PRF1: variants seen among roughly 807,000 people sequenced by gnomAD.
PRF1 encodes the protein perforin 1, also known as perforin-1.
PRF1 carries 11 observed loss-of-function variants against 11.7 expected under a neutral mutation model. The ratio of observed to expected loss-of-function variants is 0.94; its 90% CI spans 0.59 to 1.56. The LOEUF is 1.56. PRF1 is among the 40% of genes most tolerant of loss of function. The probability of loss-of-function intolerance (pLI) is 0.00; values close to 1 mark genes in which losing one functional copy is unlikely to be tolerated. For synonymous variants in PRF1, 314 were observed against 327.8 expected (o/e 0.96, Z 0.45); for missense variants, 729 against 751.0 (o/e 0.97, Z 0.34).
In PRF1 at chr10:70,598,226, G is replaced by C; in HGVS notation, c.1495C>G (p.Gln499Glu). 1.2e-6 allele frequency: 2 copies of C among 1,614,198 alleles called. No homozygotes were observed. Among genetic ancestry groups the C allele is most frequent in the Non-Finnish European group, 1.7e-6 (2 of 1,180,028 alleles). Reference sequence around the variant, plus strand: ...TCATGGGAACCAGACTTGGGAGCCTGATCACAGGTGCCAAGGAGGTCATCG... The same window carrying C: ...TCATGGGAACCAGACTTGGGAGCCTCATCACAGGTGCCAAGGAGGTCATCG... ...RDDDLLGTCDQAPKSGSHEVR... is the reference protein window; with the variant it reads ...RDDDLLGTCDEAPKSGSHEVR... Residue 499 changes from glutamine (Q) to glutamate (E), a missense_variant, in exon 3 of 3, where the codon CAG becomes GAG. Gln to Glu is a conservative substitution (Grantham distance 29, BLOSUM62 2). Transcript: ENST00000441259.
rs1848200799 is a variant in PRF1 at position 70,600,289 on chromosome 10, C to T, written c.539+75G>A. The T allele has an allele frequency of 1.3e-6, 2 of 1,586,912 alleles. No individual in the cohort carries two copies. Among genetic ancestry groups the T allele is most frequent in the East Asian group, 4.6e-5 (2 of 43,500 alleles). On this transcript the variant is annotated intron_variant, in intron 2 of 2. Coordinates refer to ENST00000441259, the MANE Select transcript of PRF1 (RefSeq NM_001083116.3). This position sits in a 1 kb window ranked among gnomAD's most constrained non-coding sequence, Gnocchi z 4.9. ...CTCCAAGTTTGATTGGAGGACTCTG[C>T]CTTTCCAGGGCTCCTAGACCACCCA...
intron 1 of PRF1, among the ~76,000 whole-genome samples, chr10:70,601,543 AC>A (rs1300659062): frequency 6.6e-6 from 1 of 151,896 alleles, no homozygotes; most frequent in Non-Finnish European, 1.5e-5. Flanking sequence ...AAATCTGCCG[AC>A]CTGGCCAGGT....
Position 70,599,197 on chromosome 10 carries a change from G to C in PRF1, c.540-16C>G. ...CACATGGAAACTGCGAGAAGAGAGA[G>C]ACCTCAGCTGGGCCCAGGGGAGTAT... On this transcript the variant is annotated splice_polypyrimidine_tract_variant and intron_variant, in intron 2 of 2. Coordinates refer to ENST00000441259, the MANE Select transcript of PRF1 (RefSeq NM_001083116.3). The C allele has an allele frequency of 6.2e-7, 1 of 1,614,044 alleles. No homozygotes were observed. The highest frequency in any genetic ancestry group is 8.5e-7 in the Non-Finnish European group (1 of 1,179,992).
At position 70,599,069 on chromosome 10, in the gene PRF1, T is replaced by A; in HGVS notation, c.652A>T (p.Asn218Tyr). 1.2e-6 allele frequency: 2 copies of A among 1,613,492 alleles called. No individual in the cohort carries two copies. Among genetic ancestry groups the A allele is most frequent in the Non-Finnish European group, 1.7e-6 (2 of 1,179,538 alleles). Residue 218 changes from asparagine (N) to tyrosine (Y), a missense_variant, in exon 3 of 3, where the codon AAC (asparagine) becomes TAC (tyrosine). Physicochemically the swap from Asn to Tyr is moderately radical, Grantham distance 143 (BLOSUM62 -2). Coordinates refer to ENST00000441259, the MANE Select transcript of PRF1 (RefSeq NM_001083116.3). Reference sequence around the variant, plus strand: ...GCCCGGATGAAGTGGGTGCCGTAGTTGGAGATAAGCCTGAGGTAGGCGGGC... The same window carrying A: ...GCCCGGATGAAGTGGGTGCCGTAGTAGGAGATAAGCCTGAGGTAGGCGGGC... Reference protein sequence around the residue: ...TQPAYLRLISNYGTHFIRAVE... With the variant: ...TQPAYLRLISYYGTHFIRAVE...
Position 70,597,923 on chromosome 10 carries a change from G to T in PRF1, c.*130C>A. On this transcript the variant is annotated 3_prime_UTR_variant, in exon 3 of 3. Transcript: ENST00000441259. The stretch of plus-strand genomic sequence containing the variant: ...GAATTTGCGTTGGGCCGCATTCAAA[G>T]CCATCCTGGGCCGCATGCGGGCCTC... 8.3e-7 allele frequency: 1 copy of T among 1,198,688 alleles called. No homozygotes were observed. The highest frequency in any genetic ancestry group is 1.2e-6 in the Non-Finnish European group (1 of 839,088). 74.3% of individuals were successfully genotyped at this position (1,198,688 alleles called of 1,614,324 possible).
rs1040849786 is a variant in PRF1 at position 70,600,002 on chromosome 10, G to A, written c.539+362C>T. 6.6e-6 allele frequency among the ~76,000 whole-genome samples: 1 copy of A among 152,170 alleles called. No individual in the cohort carries two copies. Among genetic ancestry groups the A allele is most frequent in the Non-Finnish European group, 1.5e-5 (1 of 68,024 alleles). Reference sequence around the variant, plus strand: ...ACACAGCGATGAGGAAGGATGACCCGGCCAGGTCTCCTGCCTCTGTCCCTA... The same window carrying A: ...ACACAGCGATGAGGAAGGATGACCCAGCCAGGTCTCCTGCCTCTGTCCCTA... On this transcript the variant is annotated intron_variant, in intron 2 of 2. Transcript: ENST00000441259. This position sits in a 1 kb window ranked among gnomAD's most constrained non-coding sequence, Gnocchi z 4.9.
rs1202935059 is a variant in PRF1 at position 70,598,179 on chromosome 10, A to G, written c.1542T>C (p.His514=). 1 of 1,614,070 alleles carries G rather than the reference A, an allele frequency of 6.2e-7. No individual in the cohort carries two copies. The highest frequency in any genetic ancestry group is 2.2e-5 in the East Asian group (1 of 44,874). The change falls in exon 3 of 3, where the codon CAT becomes CAC. Residue 514 remains histidine (H), a synonymous_variant. Transcript: ENST00000441259. ...CATGATAGCGGAATTTTAGGTGGCC[A>G]TGATTCAGGTTGCATCTCACCTCAT... ...GSHEVRCNLN[H]GHLKFRYHAR...
Position 70,598,077 on chromosome 10 carries a change from T to C in PRF1, c.1644A>G (p.Gly548=). ...CTCACCACACGGCCCCACTCCGGTT[T>C]CCTGGAGGCTCCCCCAGAAGCATTT... The part of the protein sequence containing the change: ...VPQMLLGEPP[G]NRSGAVW Residue 548 remains glycine, a synonymous_variant, in exon 3 of 3, where the codon GGA becomes GGG. Coordinates refer to ENST00000441259, the MANE Select transcript of PRF1 (RefSeq NM_001083116.3). 6.2e-7 allele frequency: 1 copy of C among 1,613,938 alleles called. No individual in the cohort carries two copies. Among genetic ancestry groups the C allele is most frequent in the Admixed American group, 1.7e-5 (1 of 60,026 alleles).
rs372713247 is a variant in PRF1, at chr10:70,598,082, G to C, written c.1639C>G (p.Pro547Ala). The C allele has an allele frequency of 6.2e-7, 1 of 1,613,956 alleles. No homozygotes were observed. The highest frequency in any genetic ancestry group is 1.7e-5 in the Admixed American group (1 of 60,028). Residue 547 changes from proline (P) to alanine (A), a missense_variant, in exon 3 of 3, where the codon CCA becomes GCA. Pro to Ala is a conservative substitution (Grantham distance 27). Transcript: ENST00000441259. ...YVPQMLLGEP[P>A]GNRSGAVW ...CACACGGCCCCACTCCGGTTTCCTG[G>C]AGGCTCCCCCAGAAGCATTTGGGGG...
rs776317619 is a variant in PRF1 at position 70,600,351 on chromosome 10, C to T, written c.539+13G>A. On this transcript the variant is annotated intron_variant, in intron 2 of 2. Coordinates refer to ENST00000441259, the MANE Select transcript of PRF1 (RefSeq NM_001083116.3). The surrounding 1 kb of genome is among the most constrained non-coding windows in gnomAD (Gnocchi z 4.9). The stretch of plus-strand genomic sequence containing the variant: ...GCCTTTTCCAGCCCCCCACCCCTAG[C>T]CCCAGCTCTCACCTGTAGAAGCGGC... 8.1e-6 allele frequency: 13 copies of T among 1,613,924 alleles called. No homozygotes were observed. Among genetic ancestry groups the T allele is most frequent in the Non-Finnish European group, 1.1e-5 (13 of 1,180,026 alleles).
At position 70,598,866 on chromosome 10, in the gene PRF1, C is replaced by G; in HGVS notation, c.855G>C (p.Lys285Asn). ...EAKACEEKKK[K>N]HKMTASFHQT... ...GGTGGAAGGAGGCCGTCATCTTGTGCTTCTTCTTCTTCTCCTCACAGGCCT... is the reference window on the plus strand; with the variant it reads ...GGTGGAAGGAGGCCGTCATCTTGTGGTTCTTCTTCTTCTCCTCACAGGCCT... The change falls in exon 3 of 3, where the codon AAG (lysine) becomes AAC (asparagine). Residue 285 changes from lysine to asparagine, a missense_variant. Transcript: ENST00000441259. The G allele has an allele frequency of 6.3e-7, 1 of 1,590,580 alleles. No homozygotes were observed. Among genetic ancestry groups the G allele is most frequent in the South Asian group, 1.1e-5 (1 of 90,578 alleles).
At position 70,597,510 on chromosome 10, in the gene PRF1, A is replaced by G; in HGVS notation, c.*543T>C. On this transcript the variant is annotated 3_prime_UTR_variant, in exon 3 of 3. Transcript: ENST00000441259. ...GTTAAGGCAATGAAGGCTTTGCCAC[A>G]CCATAGAGGGCTCAAGGGAAGGGTC... 2.4e-6 allele frequency: 1 copy of G among 411,134 alleles called. No homozygotes were observed. The highest frequency in any genetic ancestry group is 3.4e-5 in the East Asian group (1 of 29,052). The allele number at this position is 411,134 out of a possible 1,614,324, so 25.5% of individuals were successfully genotyped here.
chr10:70,601,099 T>A (rs948685648), intron 1 of PRF1, among the ~76,000 whole-genome samples, 167 bp from the exon 2 acceptor site: 13 of 152,216 alleles, frequency 8.5e-5, no homozygotes, highest in Non-Finnish European at 2.9e-5. Flanking sequence ...CCCCACATTG[T>A]ACAGATGGGC....
intron 1 of PRF1, among the ~76,000 whole-genome samples, chr10:70,602,134 G>T (rs1220004671): frequency 6.6e-6 from 1 of 152,162 alleles, no homozygotes; most frequent in Non-Finnish European, 1.5e-5. Flanking sequence ...CTCTTCAAAG[G>T]CCTTTGCCCT....
rs138508223 is a variant in PRF1 at position 70,599,019 on chromosome 10, C to T, written c.702G>A (p.Ser234=). ...IRAVELGGRI[S]ALTALRTCEL... ...CGCAGGTGCGCAGGGCAGTGAGGGC[C>T]GATATGCGGCCACCCAGCTCCACAG... Residue 234 remains serine (S), a synonymous_variant, in exon 3 of 3, where the codon TCG becomes TCA. Coordinates refer to ENST00000441259, the MANE Select transcript of PRF1 (RefSeq NM_001083116.3). 1.4e-3 allele frequency: 2,297 copies of T among 1,613,732 alleles called. 35 individuals are homozygous for T. The African/African-American group carries it at 0.028, about 19-fold the overall frequency.
Position 70,598,127 on chromosome 10 carries a change from C to T in PRF1, c.1594G>A (p.Gly532Ser), listed in dbSNP as rs1317922602. The change falls in exon 3 of 3, where the codon GGC (glycine) becomes AGC (serine). Residue 532 changes from glycine (G) to serine (S), a missense_variant. Physicochemically the swap from Gly to Ser is moderately conservative, Grantham distance 56. Coordinates refer to ENST00000441259, the MANE Select transcript of PRF1 (RefSeq NM_001083116.3). ...HARCLPHLGGGTCLDYVPQML... is the reference protein window; with the variant it reads ...HARCLPHLGGSTCLDYVPQML... ...TGGGGGACATAGTCCAGGCAGGTGC[C>T]TCCTCCCAGGTGGGGCAAGCACCTG... is the stretch of plus-strand genomic sequence containing the variant. The T allele has an allele frequency of 4.3e-6, 7 of 1,614,050 alleles. No individual in the cohort carries two copies. The highest frequency in any genetic ancestry group is 1.6e-4 in the Middle Eastern group (1 of 6,084).
intron 2 of PRF1, among the ~76,000 whole-genome samples, chr10:70,599,503 A>T (rs1032135766): frequency 1.3e-5 from 2 of 152,110 alleles, no homozygotes; most frequent in African/African-American, 4.8e-5. Context: ...TAACCCCAGC[A>T]CTTTGGGAGG....
intron 1 of PRF1, among the ~76,000 whole-genome samples, chr10:70,601,385 C>T (rs1848227383): frequency 6.6e-6 from 1 of 152,176 alleles, no homozygotes; most frequent in Non-Finnish European, 1.5e-5. Flanking sequence ...TTGTCTCTGT[C>T]ACTCTCTCTA....
rs2228018 is a variant in PRF1 at position 70,600,807 on chromosome 10, C to T, written c.96G>A (p.Lys32=). Residue 32 remains lysine (K), a synonymous_variant, in exon 2 of 3, where the codon AAG becomes AAA. Transcript: ENST00000441259. The surrounding 1 kb of genome is among the most constrained non-coding windows in gnomAD (Gnocchi z 4.9). Reference sequence around the variant, plus strand: ...CACCAGGCACGAACTTGTGGCTGCGCTTGCACTCTGAGCGTGCGGCTGTGT... The same window carrying T: ...CACCAGGCACGAACTTGTGGCTGCGTTTGCACTCTGAGCGTGCGGCTGTGT... ...PCHTAARSEC[K]RSHKFVPGAW... is the part of the protein sequence containing the mutation. 1,273 of 1,612,242 alleles carry T rather than the reference C, an allele frequency of 7.9e-4. 17 individuals are homozygous for T. In the African/African-American group the frequency reaches 0.015, roughly 18 times the overall value.
Sources: gnomAD v4.1 joint callset for allele counts (sites outside exome capture counted in the v4.1 genomes callset) on GRCh38, gnomAD v4.1.1 for gene constraint, Gnocchi (gnomAD v3.1) non-coding constraint, MANE v1.5 for transcripts, NCBI Gene and HGNC (gene_info 2026-07-23, HGNC 2026-07-21) for gene names.